IQCM: variants seen among roughly 807,000 people sequenced by gnomAD.
IQCM encodes IQ motif containing M.
IQCM carries 45 observed loss-of-function variants against 57.6 expected under a neutral mutation model. That is an observed-to-expected ratio of 0.78 (90% CI 0.62 to 1.00). IQCM has a LOEUF of 1.00. Ranked by LOEUF, IQCM falls within the 50% of genes least tolerant of loss-of-function variation. The probability of loss-of-function intolerance (pLI) is 0.00; values close to 1 mark genes in which losing one functional copy is unlikely to be tolerated. For synonymous variants in IQCM, 148 were observed against 158.9 expected (o/e 0.93, Z 0.51); for missense variants, 468 against 511.6 (o/e 0.91, Z 0.82).
At chr4:149,811,721 G>A (rs1049620684) in intron 2 of IQCM, among the ~76,000 whole-genome samples, 2 of 152,094 alleles carry the variant, frequency 1.3e-5, no homozygotes, top group Non-Finnish European at 2.9e-5. Flanking sequence ...GAACAATCCC[G>A]AGGACTAAAT....
At chr4:149,594,794 A>T (rs1753601700) in intron 8 of IQCM, among the ~76,000 whole-genome samples, 1 of 152,126 alleles carries the variant, frequency 6.6e-6, no homozygotes, top group African/African-American at 2.4e-5. Context: ...CCTGAGTTCT[A>T]GTTTGATTGT....
chr4:149,608,988 C>G (rs761556079), intron 8 of IQCM, among the ~76,000 whole-genome samples: 1 of 151,138 alleles, frequency 6.6e-6, no homozygotes, highest in Admixed American at 6.6e-5. Flanking sequence ...ACAAAATGAA[C>G]AAAAGTTGAG....
At chr4:149,367,894 A>G (rs1729953632) in intron 13 of IQCM, among the ~76,000 whole-genome samples, 1 of 151,972 alleles carries the variant, frequency 6.6e-6, no homozygotes, top group Non-Finnish European at 1.5e-5. Context: ...CCTATTAGTG[A>G]TTTTGAGCAT....
chr4:149,510,740 T>C (rs1332981590), intron 12 of IQCM, among the ~76,000 whole-genome samples: 3 of 152,172 alleles, frequency 2.0e-5, no homozygotes, highest in African/African-American at 7.2e-5. Context: ...ACCCTAAATT[T>C]GGATTTGTCT....
At chr4:149,626,405 A>ATATATATATATATAT in intron 7 of IQCM, among the ~76,000 whole-genome samples, 5 of 119,604 alleles carry the variant, frequency 4.2e-5, no homozygotes, top group Non-Finnish European at 7.2e-5. Context: ...ATATATATAT[A>ATATATATATATATAT]AGTTTATAGC....
At chr4:149,384,150 A>T (rs1052530936) in intron 13 of IQCM, among the ~76,000 whole-genome samples, 12 of 152,146 alleles carry the variant, frequency 7.9e-5, no homozygotes, top group African/African-American at 2.9e-4. Flanking sequence ...GATTCAGTAA[A>T]GCAAAGTGAT....
chr4:149,552,287 C>T (rs1749113360), intron 11 of IQCM, among the ~76,000 whole-genome samples: 1 of 152,040 alleles, frequency 6.6e-6, no homozygotes, highest in South Asian at 2.1e-4. Context: ...CTTCATGGAC[C>T]TTACAGTCTT....
chr4:149,765,095 CA>C (rs200386936), intron 2 of IQCM, among the ~76,000 whole-genome samples: 3,425 of 151,804 alleles, frequency 0.023, 62 homozygotes, highest in South Asian at 0.034. Context: ...GAAAAATTAC[CA>C]AAAAAAATTT....
intron 3 of IQCM, 64 bp downstream of exon 3, chr4:149,742,591 A>G (rs752146786): frequency 3.1e-5 from 29 of 936,680 alleles, no homozygotes; most frequent in Admixed American, 8.6e-5. Context: ...ATTAATAGAA[A>G]AGAGTGGTTA....
intron 13 of IQCM, among the ~76,000 whole-genome samples, chr4:149,393,962 TA>T (rs1732042850): frequency 6.6e-6 from 1 of 151,908 alleles, no homozygotes; most frequent in South Asian, 2.1e-4. Context: ...GTTGCATGGA[TA>T]AAACAATAAG....
In IQCM at chr4:149,682,176, A is replaced by T. The variant is rs1246302547; in HGVS notation, c.507T>A (p.Phe169Leu). ...CAGGTTGTAAGTAAAGATGGACAGG[A>T]AAGGGATAGAGTAATTCCAACATTC... ...RNRMLELLYP[F>L]PVHLYLQPGT... Residue 169 changes from phenylalanine (F) to leucine (L), a missense_variant, in exon 7 of 14, where the codon TTT becomes TTA. Transcript: ENST00000636793. 8.2e-7 allele frequency: 1 copy of T among 1,225,194 alleles called. No homozygotes were observed. The highest frequency in any genetic ancestry group is 3.2e-5 in the East Asian group (1 of 31,574). 75.9% of individuals were successfully genotyped at this position (1,225,194 alleles called of 1,614,324 possible). A position where few individuals can be genotyped will look rare whatever the true frequency, so the allele number is the denominator to read the frequency against.
At chr4:149,438,785 A>C (rs1012308075) in intron 12 of IQCM, among the ~76,000 whole-genome samples, 7 of 152,034 alleles carry the variant, frequency 4.6e-5, no homozygotes, top group Non-Finnish European at 8.8e-5. Flanking sequence ...TTGATGAAGG[A>C]AAATATTAAG....
chr4:149,576,922 T>C lies in IQCM; in HGVS notation c.749+11008A>G, dbSNP rs533864045. Among the ~76,000 whole-genome samples, 18 of 152,090 alleles carry C rather than the reference T, an allele frequency of 1.2e-4. No homozygotes were observed. The East Asian group carries it at 3.5e-3, about 30-fold the overall frequency. ...ATCTTATTTTTTGACTTTTTAATAGTACCCATTCTTACTGGTGTGAGATGG... is the reference window on the plus strand; with the variant it reads ...ATCTTATTTTTTGACTTTTTAATAGCACCCATTCTTACTGGTGTGAGATGG... On this transcript the variant is annotated intron_variant, in intron 9 of 13. Coordinates refer to ENST00000636793, the MANE Select transcript of IQCM (RefSeq NM_001363507.2).
chr4:149,699,003 A>C (rs1201053575), intron 5 of IQCM, among the ~76,000 whole-genome samples: 2 of 152,090 alleles, frequency 1.3e-5, no homozygotes, highest in African/African-American at 4.8e-5. Context: ...AGTGATGTTG[A>C]TGATTATAAA....
At chr4:149,540,093 A>G (rs1348544314) in intron 12 of IQCM, among the ~76,000 whole-genome samples, 1 of 151,874 alleles carries the variant, frequency 6.6e-6, no homozygotes, top group Non-Finnish European at 1.5e-5. Context: ...CCCTACTTCA[A>G]CACGACAGGA....
intron 12 of IQCM, among the ~76,000 whole-genome samples, chr4:149,494,125 C>A (rs1742402317): frequency 6.6e-6 from 1 of 151,784 alleles, no homozygotes; most frequent in African/African-American, 2.4e-5. Context: ...ACGATACCCA[C>A]AATAAGATTC....
chr4:149,795,688 G>A (rs1470997841), intron 2 of IQCM, among the ~76,000 whole-genome samples: 1 of 152,186 alleles, frequency 6.6e-6, no homozygotes, highest in Non-Finnish European at 1.5e-5. Flanking sequence ...CTGGAGAAGA[G>A]AGGGAATAGT....
intron 9 of IQCM, among the ~76,000 whole-genome samples, chr4:149,574,506 G>C (rs1751457955): frequency 6.6e-6 from 1 of 151,884 alleles, no homozygotes; most frequent in African/African-American, 2.4e-5. Flanking sequence ...TTCATTTGAA[G>C]TTTGACAAAT....
At chr4:149,419,969 G>T (rs974375021) in intron 13 of IQCM, among the ~76,000 whole-genome samples, 6 of 152,014 alleles carry the variant, frequency 3.9e-5, no homozygotes, top group Non-Finnish European at 5.9e-5. Context: ...TAAGAATGGT[G>T]ATTATTAAAA....
Sources: allele counts gnomAD v4.1 joint callset (sites outside exome capture counted in the v4.1 genomes callset), GRCh38; gene constraint gnomAD v4.1.1; transcripts MANE v1.5; gene names NCBI Gene and HGNC (gene_info 2026-07-23, HGNC 2026-07-21).